PACRG: variants seen among roughly 807,000 people sequenced by gnomAD.
PACRG encodes the protein parkin coregulated, also known as parkin coregulated gene protein.
Under a neutral mutation model 29.7 loss-of-function variants are expected in PACRG, and 29 were observed. The ratio of observed to expected loss-of-function variants is 0.98; its 90% confidence interval spans 0.73 to 1.33. The LOEUF is 1.33. PACRG is among the 40% of genes most tolerant of loss of function. PACRG has a pLI of 0.00. For missense variants in PACRG, 279 were observed against 316.2 expected, an observed-to-expected ratio of 0.88 and a Z score of 0.89; for synonymous variants, 116 against 118.7, an observed-to-expected ratio of 0.98 and a Z score of 0.15.
At chr6:163,227,854 A>G (rs1781867219) in intron 4 of PACRG, among the ~76,000 whole-genome samples, 1 of 152,210 alleles carries the variant, frequency 6.6e-6, no homozygotes. Flanking sequence ...CACCAGCCAT[A>G]GGTTATGATA....
intron 4 of PACRG, among the ~76,000 whole-genome samples, chr6:163,229,685 C>G (rs865813172): frequency 2.8e-4 from 43 of 152,170 alleles, no homozygotes; most frequent in Middle Eastern, 3.4e-3. Flanking sequence ...TGGAAGAGAC[C>G]CTTGAATAGT....
intron 2 of PACRG, among the ~76,000 whole-genome samples, chr6:163,031,945 C>T (rs890568724): frequency 4.6e-5 from 7 of 152,166 alleles, no homozygotes; most frequent in African/African-American, 9.7e-5. Context: ...ACTCCTTAAA[C>T]GAATGCAAAC....
intron 2 of PACRG, among the ~76,000 whole-genome samples, chr6:162,826,966 A>G (rs1367696137): frequency 6.6e-6 from 1 of 152,202 alleles, no homozygotes; most frequent in Admixed American, 6.5e-5. Flanking sequence ...TTAAAAATCA[A>G]CAAATTATAG....
chr6:163,239,331 T>C (rs1374891259), intron 4 of PACRG, among the ~76,000 whole-genome samples: 2 of 152,202 alleles, frequency 1.3e-5, no homozygotes, highest in Admixed American at 1.3e-4. Context: ...CAATACTTAC[T>C]GCCCACTGAA....
chr6:163,157,396 T>C (rs367673548), intron 4 of PACRG, among the ~76,000 whole-genome samples: 211 of 152,312 alleles, frequency 1.4e-3, no homozygotes, highest in African/African-American at 4.8e-3. Context: ...GGCACACTCC[T>C]TCTAGGTGCT....
intron 1 of PACRG, among the ~76,000 whole-genome samples, chr6:162,747,335 T>TATATATAC (rs1781077672): frequency 1.4e-5 from 1 of 71,198 alleles, no homozygotes; most frequent in South Asian, 6.8e-4. Flanking sequence ...CATATATATA[T>TATATATAC]ATATATATAT....
intron 4 of PACRG, among the ~76,000 whole-genome samples, chr6:163,231,610 C>T (rs1782048470): frequency 1.3e-5 from 2 of 152,178 alleles, no homozygotes. Flanking sequence ...CAAAAGGTGA[C>T]TTCACATAGG....
At chr6:163,183,922 G>C (rs1779792020) in intron 4 of PACRG, among the ~76,000 whole-genome samples, 1 of 152,166 alleles carries the variant, frequency 6.6e-6, no homozygotes, top group Non-Finnish European at 1.5e-5. Context: ...ATAAAATATG[G>C]AGAGATTCTT....
intron 4 of PACRG, among the ~76,000 whole-genome samples, chr6:163,283,618 G>A (rs1395355036): frequency 1.3e-5 from 2 of 150,316 alleles, no homozygotes; most frequent in African/African-American, 4.9e-5. Flanking sequence ...GGCTAACAAG[G>A]TGAAACCCCG....
intron 2 of PACRG, among the ~76,000 whole-genome samples, chr6:162,906,918 C>G (rs1407438543): frequency 6.6e-6 from 1 of 152,116 alleles, no homozygotes; most frequent in Non-Finnish European, 1.5e-5. Context: ...CATATGAAAA[C>G]CAGTGAGTTT....
At chr6:163,167,579 C>T (rs1041028499) in intron 4 of PACRG, among the ~76,000 whole-genome samples, 6 of 151,986 alleles carry the variant, frequency 3.9e-5, no homozygotes, top group Admixed American at 2.6e-4. Context: ...TCAAAATTTT[C>T]AAATCTAGCT....
At chr6:163,148,138 T>C (rs1431495979) in intron 4 of PACRG, among the ~76,000 whole-genome samples, 1 of 152,194 alleles carries the variant, frequency 6.6e-6, no homozygotes, top group Non-Finnish European at 1.5e-5. Flanking sequence ...AGTGTGTGTG[T>C]TGAGGGCGGG....
chr6:163,195,950 C>T (rs1780434433), intron 4 of PACRG, among the ~76,000 whole-genome samples: 1 of 152,168 alleles, frequency 6.6e-6, no homozygotes, highest in Non-Finnish European at 1.5e-5. Flanking sequence ...CTCCCGCTCT[C>T]CAGCAGGGCG....
At position 162,992,167 on chromosome 6, in the gene PACRG, T is replaced by C. The variant is rs1455252972; in HGVS notation, c.292-69983T>C. 1.0e-4 allele frequency among the ~76,000 whole-genome samples: 14 copies of C among 136,448 alleles called. 1 individual carries two copies. The highest frequency in any genetic ancestry group is 4.2e-4 in the African/African-American group (13 of 30,732). The allele number at this position is 136,448 out of a possible 152,430, so 89.5% of individuals were successfully genotyped here. A position where few individuals can be genotyped will look rare whatever the true frequency, so the allele number is the denominator to read the frequency against. On this transcript the variant is annotated intron_variant, in intron 2 of 4. Transcript: ENST00000366888. ...CAGTATTTTATTGAGGATTTTTGCA[T>C]CAATGTTCATCAAGGATATTGGTCT...
At chr6:162,868,650 C>T (rs959881847) in intron 2 of PACRG, among the ~76,000 whole-genome samples, 1 of 152,104 alleles carries the variant, frequency 6.6e-6, no homozygotes, top group Non-Finnish European at 1.5e-5. Context: ...ACCCGAGCCG[C>T]CAGAGCACAG....
At chr6:163,018,800 C>T (rs962053410) in intron 2 of PACRG, among the ~76,000 whole-genome samples, 2 of 151,846 alleles carry the variant, frequency 1.3e-5, no homozygotes, top group African/African-American at 4.8e-5. Context: ...TATTCTGTTC[C>T]GTTGCTTTGA....
intron 2 of PACRG, among the ~76,000 whole-genome samples, chr6:162,996,551 G>A (rs1804075723): frequency 6.6e-6 from 1 of 151,838 alleles, no homozygotes; most frequent in African/African-American, 2.4e-5. Flanking sequence ...CTAGGGGAAT[G>A]GCTAATTAAA....
chr6:162,995,535 CAGAA>C (rs1289941973), intron 2 of PACRG, among the ~76,000 whole-genome samples: 1 of 152,232 alleles, frequency 6.6e-6, no homozygotes, highest in Non-Finnish European at 1.5e-5. Context: ...TTCTTTGACT[CAGAA>C]AGCGAACTCC....
intron 4 of PACRG, among the ~76,000 whole-genome samples, chr6:163,154,208 G>A (rs936921328): frequency 6.6e-6 from 1 of 152,232 alleles, no homozygotes; most frequent in Non-Finnish European, 1.5e-5. Flanking sequence ...GGGTTGCTCA[G>A]CCAAACAGAA....
Sources: allele counts gnomAD v4.1 joint callset (sites outside exome capture counted in the v4.1 genomes callset), GRCh38; gene constraint gnomAD v4.1.1; transcripts MANE v1.5; gene names NCBI Gene and HGNC (gene_info 2026-07-23, HGNC 2026-07-21).